Variants in EFCAB6 observed in about 807,000 individuals in gnomAD.
EFCAB6 encodes the protein EF-hand calcium binding domain 6, also known as EF-hand calcium-binding domain-containing protein 6.
Under a neutral mutation model 169.8 loss-of-function variants are expected in EFCAB6, and 156 were observed. That is an observed-to-expected ratio of 0.92 (90% CI 0.81 to 1.05). The LOEUF is 1.05. Among genes scored for constraint, EFCAB6 ranks in the 50% least tolerant of loss-of-function variants. The pLI is 0.00. For missense variants in EFCAB6, 1,800 were observed against 1,829.1 expected (o/e 0.98, Z 0.29); for synonymous variants, 698 against 676.4 (o/e 1.03, Z -0.50).
intron 23 of EFCAB6, among the ~76,000 whole-genome samples, chr22:43,594,892 T>C (rs2051878170): frequency 6.6e-6 from 1 of 152,082 alleles, no homozygotes; most frequent in Admixed American, 6.6e-5. Flanking sequence ...ACAAAACATA[T>C]CTCAGCCAAT....
At chr22:43,769,390 C>T (rs937620577) in intron 4 of EFCAB6, among the ~76,000 whole-genome samples, 27 of 152,030 alleles carry the variant, frequency 1.8e-4, no homozygotes, top group Non-Finnish European at 2.8e-4. Context: ...ATGATGAAAA[C>T]GGTTTTCAAT....
intron 6 of EFCAB6, among the ~76,000 whole-genome samples, chr22:43,737,737 ACAC>A (rs2060202470): frequency 6.6e-6 from 1 of 151,048 alleles, no homozygotes; most frequent in African/African-American, 2.4e-5. Flanking sequence ...ATTCACACAC[ACAC>A]ATGCACAGAT....
chr22:43,591,459 A>G (rs899138478), intron 23 of EFCAB6, among the ~76,000 whole-genome samples: 86 of 110,744 alleles, frequency 7.8e-4, no homozygotes, highest in African/African-American at 3.2e-3. Flanking sequence ...TCTGTCTTAT[A>G]AAAAAAAAAA....
intron 2 of EFCAB6, among the ~76,000 whole-genome samples, chr22:43,803,117 A>G (rs1023763935): frequency 6.6e-6 from 1 of 152,212 alleles, no homozygotes; most frequent in African/African-American, 2.4e-5. Flanking sequence ...CACCTTCAGC[A>G]TACACTTAAC....
At chr22:43,599,919 A>G in intron 23 of EFCAB6, 150 bp downstream of exon 23, 2 of 883,638 alleles carry the variant, frequency 2.3e-6, no homozygotes, top group Admixed American at 2.4e-5. Flanking sequence ...CTTCGCACCA[A>G]TTTCTAGAAT....
intron 7 of EFCAB6, among the ~76,000 whole-genome samples, chr22:43,734,740 A>G (rs1325069506): frequency 2.6e-5 from 4 of 152,218 alleles, no homozygotes; most frequent in Non-Finnish European, 5.9e-5. Flanking sequence ...AAAGAGAAAA[A>G]AAAAAGAAAA....
chr22:43,548,876 A>G (rs1201896504), intron 27 of EFCAB6, among the ~76,000 whole-genome samples: 1 of 152,140 alleles, frequency 6.6e-6, no homozygotes, highest in Non-Finnish European at 1.5e-5. Flanking sequence ...ACATTTATTA[A>G]AAAAAGACCA....
At chr22:43,571,342 T>C (rs2049860411) in intron 26 of EFCAB6, among the ~76,000 whole-genome samples, 1 of 152,238 alleles carries the variant, frequency 6.6e-6, no homozygotes, top group Non-Finnish European at 1.5e-5. Flanking sequence ...GAACTTGCTT[T>C]GCGGGGAGAG....
intron 12 of EFCAB6, 65 bp downstream of exon 12, chr22:43,683,682 G>C: frequency 2.5e-6 from 3 of 1,177,570 alleles, no homozygotes; most frequent in Non-Finnish European, 3.8e-6. Flanking sequence ...TATTGGTCTT[G>C]TTCTGAGTGT....
intron 8 of EFCAB6, among the ~76,000 whole-genome samples, chr22:43,722,918 C>G (rs553124538): frequency 1.3e-5 from 2 of 152,234 alleles, no homozygotes; most frequent in African/African-American, 4.8e-5. Flanking sequence ...ATGCATGGAG[C>G]TGGAGGCCAT....
chr22:43,779,567 C>A (rs1007231994), intron 3 of EFCAB6, among the ~76,000 whole-genome samples: 1 of 152,150 alleles, frequency 6.6e-6, no homozygotes, highest in African/African-American at 2.4e-5. Flanking sequence ...TGGTGAAACA[C>A]CATTTCTACT....
intron 11 of EFCAB6, among the ~76,000 whole-genome samples, chr22:43,685,931 TTA>T (rs1412181800): frequency 1.3e-5 from 2 of 152,220 alleles, no homozygotes; most frequent in Non-Finnish European, 2.9e-5. Context: ...TATTGTGTTT[TTA>T]TGTTTCTCAA....
intron 25 of EFCAB6, among the ~76,000 whole-genome samples, chr22:43,577,496 G>A (rs2050338589): frequency 6.6e-6 from 1 of 152,216 alleles, no homozygotes; most frequent in African/African-American, 2.4e-5. Flanking sequence ...CCCTAGCCAG[G>A]AGTTGTTCTG....
chr22:43,631,487 G>A (rs551158703), intron 19 of EFCAB6, among the ~76,000 whole-genome samples: 2 of 152,056 alleles, frequency 1.3e-5, no homozygotes, highest in African/African-American at 4.8e-5. Flanking sequence ...CCTCATCTAT[G>A]GCTCCCTCCT....
intron 10 of EFCAB6, among the ~76,000 whole-genome samples, chr22:43,691,683 T>A (rs2058418467): frequency 6.6e-6 from 1 of 152,172 alleles, no homozygotes; most frequent in Non-Finnish European, 1.5e-5. Flanking sequence ...ATATATGCAA[T>A]AAATTGTTAA....
At chr22:43,706,756 C>T (rs2001071) in intron 10 of EFCAB6, among the ~76,000 whole-genome samples, 34,658 of 152,090 alleles carry the variant, frequency 0.23, 5,191 homozygotes, top group East Asian at 0.61. Flanking sequence ...AATGTGTCCA[C>T]GTCAGAAACT....
intron 20 of EFCAB6, among the ~76,000 whole-genome samples, chr22:43,621,236 C>T (rs567639446): frequency 1.3e-5 from 2 of 150,980 alleles, no homozygotes; most frequent in East Asian, 2.0e-4. Flanking sequence ...TTACAGGCAC[C>T]CACCACCACA....
At chr22:43,790,568 C>A (rs1055482965) in intron 2 of EFCAB6, among the ~76,000 whole-genome samples, 1 of 152,138 alleles carries the variant, frequency 6.6e-6, no homozygotes, top group Non-Finnish European at 1.5e-5. Context: ...GGGAACCATG[C>A]AGTTAGGAAG....
At chr22:43,673,075 A>T (rs554423386) in intron 13 of EFCAB6, among the ~76,000 whole-genome samples, 2 of 152,346 alleles carry the variant, frequency 1.3e-5, no homozygotes, top group Non-Finnish European at 1.5e-5. Context: ...GTGGGAGTGT[A>T]AACTGATCTA....
Sources: allele counts gnomAD v4.1 joint callset (sites outside exome capture counted in the v4.1 genomes callset), GRCh38; gene constraint gnomAD v4.1.1; transcripts MANE v1.5; gene names NCBI Gene and HGNC (gene_info 2026-07-23, HGNC 2026-07-21).